The following LRRC7 variants were observed in gnomAD, a reference collection of about 807,000 sequenced individuals.
LRRC7 encodes leucine rich repeat containing 7.
In LRRC7, 23 loss-of-function variants were observed where a neutral mutation model predicts 175.7. That is an observed-to-expected ratio of 0.13 (90% confidence interval 0.09 to 0.19). LRRC7 has a LOEUF of 0.19. Among genes scored for constraint, LRRC7 ranks in the 10% least tolerant of loss-of-function variants. The probability of loss-of-function intolerance (pLI) is 1.00; values close to 1 mark genes in which losing one functional copy is unlikely to be tolerated. For missense variants in LRRC7, 1,354 were observed against 1,904.7 expected (o/e 0.71, Z 5.38); for synonymous variants, 685 against 680.9 (o/e 1.01, Z -0.09).
intron 26 of LRRC7, among the ~76,000 whole-genome samples, chr1:70,120,113 C>T (rs1326592140): frequency 6.6e-6 from 1 of 151,976 alleles, no homozygotes; most frequent in African/African-American, 2.4e-5. Flanking sequence ...ATTCTTTACT[C>T]TTCATCACCA....
chr1:69,679,909 T>TC (rs1194237211), intron 2 of LRRC7, among the ~76,000 whole-genome samples: 1 of 152,130 alleles, frequency 6.6e-6, no homozygotes, highest in Non-Finnish European at 1.5e-5. Context: ...ACCTTTTTTG[T>TC]AAGTACAATT....
rs558298354 is a variant in LRRC7 at position 69,608,812 on chromosome 1, GTCTCTCTCTCTCTCTCTCTC to G, written c.2+40207_2+40226del. ...GCATCTCCTATAAGTTGCTCTGTCTGTCTCTCTCTCTCTCTCTCTCTCTCTCTCTCTCTCTCTCTCTCTCT... is the reference window on the plus strand; with the variant it reads ...GCATCTCCTATAAGTTGCTCTGTCTGTCTCTCTCTCTCTCTCTCTCTCTCT... On this transcript the variant is annotated intron_variant, in intron 1 of 26. Transcript: ENST00000651989. 5.1e-3 allele frequency among the ~76,000 whole-genome samples: 463 copies of G among 91,556 alleles called. 2 individuals are homozygous for G. The highest frequency in any genetic ancestry group is 0.012 in the East Asian group (33 of 2,866). The allele number at this position is 91,556 out of a possible 152,430, so 60.1% of individuals were successfully genotyped here.
intron 8 of LRRC7, among the ~76,000 whole-genome samples, chr1:69,976,285 C>T (rs928554956): frequency 1.3e-5 from 2 of 152,188 alleles, no homozygotes; most frequent in Non-Finnish European, 2.9e-5. Context: ...AGCTGAAGAA[C>T]TTGGAGTCCG....
Position 69,695,476 on chromosome 1 carries a change from G to A in LRRC7, c.100+16998G>A, listed in dbSNP as rs1371704220. 2.0e-5 allele frequency among the ~76,000 whole-genome samples: 3 copies of A among 152,190 alleles called. No individual in the cohort carries two copies. In the South Asian group the frequency reaches 6.2e-4, roughly 31 times the overall value. The stretch of plus-strand genomic sequence containing the variant: ...CCTGGCCATGTGATAGAGAAGGAAA[G>A]GTTATTTTTAGGAGACGAATTGAAA... On this transcript the variant is annotated intron_variant, in intron 2 of 26. Coordinates refer to ENST00000651989, the MANE Select transcript of LRRC7 (RefSeq NM_001370785.2).
At chr1:69,673,011 G>T (rs1659302639) in intron 1 of LRRC7, among the ~76,000 whole-genome samples, 2 of 152,238 alleles carry the variant, frequency 1.3e-5, no homozygotes, top group Admixed American at 1.3e-4. Flanking sequence ...ACATATCTGT[G>T]TTAATAGACA....
Position 70,126,190 on chromosome 1 carries a change from A to G in LRRC7, c.*4303A>G, listed in dbSNP as rs142423500. Among the ~76,000 whole-genome samples the G allele has an allele frequency of 2.9e-3, 439 of 152,314 alleles. 2 individuals are homozygous for G. The highest frequency in any genetic ancestry group is 9.6e-3 in the African/African-American group (398 of 41,560). ...TAACCAGGTCAAAAGCCATACTGAAATAGGACTACCACTCAAAGTCTTTGA... is the reference window on the plus strand; with the variant it reads ...TAACCAGGTCAAAAGCCATACTGAAGTAGGACTACCACTCAAAGTCTTTGA... On this transcript the variant is annotated 3_prime_UTR_variant, in exon 27 of 27. Transcript: ENST00000651989.
chr1:69,674,129 C>A (rs2100586087), intron 1 of LRRC7, among the ~76,000 whole-genome samples: 1 of 152,202 alleles, frequency 6.6e-6, no homozygotes, highest in Admixed American at 6.5e-5. Flanking sequence ...TCACCTCAGC[C>A]TCCTGAGTAT....
At chr1:69,888,926 A>G (rs924613862) in intron 7 of LRRC7, among the ~76,000 whole-genome samples, 4 of 152,184 alleles carry the variant, frequency 2.6e-5, no homozygotes, top group African/African-American at 9.7e-5. Context: ...TACCTCAGAG[A>G]TATTGCAGAC....
chr1:69,888,375 G>A (rs1004970945), intron 7 of LRRC7, among the ~76,000 whole-genome samples: 15 of 152,138 alleles, frequency 9.9e-5, no homozygotes, highest in African/African-American at 3.1e-4. Context: ...GGAGTGACCC[G>A]ATTTTCCAGG....
chr1:69,785,671 GTTA>G (rs1674326944), intron 3 of LRRC7, among the ~76,000 whole-genome samples: 2 of 150,918 alleles, frequency 1.3e-5, no homozygotes, highest in African/African-American at 4.9e-5. Context: ...TTTTTAATTT[GTTA>G]TTCTAGAAAT....
intron 2 of LRRC7, among the ~76,000 whole-genome samples, chr1:69,704,249 G>C (rs1663742690): frequency 6.6e-6 from 1 of 151,576 alleles, no homozygotes; most frequent in East Asian, 1.9e-4. Flanking sequence ...TCAATTTTTT[G>C]AAGGAGATAA....
At chr1:69,670,214 A>C (rs570551084) in intron 1 of LRRC7, among the ~76,000 whole-genome samples, 3 of 152,272 alleles carry the variant, frequency 2.0e-5, no homozygotes, top group African/African-American at 7.2e-5. Context: ...GTTTGTGCCC[A>C]TCCTTCCTGG....
chr1:70,066,877 C>A (rs1011827246), intron 23 of LRRC7, among the ~76,000 whole-genome samples: 1 of 152,008 alleles, frequency 6.6e-6, no homozygotes, highest in Admixed American at 6.6e-5. Context: ...AGTTTTTCTT[C>A]ATCATCTCCT....
At chr1:69,981,908 C>G (rs1218694782) in intron 9 of LRRC7, among the ~76,000 whole-genome samples, 1 of 152,144 alleles carries the variant, frequency 6.6e-6, no homozygotes, top group Non-Finnish European at 1.5e-5. Context: ...ACTACCATCC[C>G]CATTTTATAG....
intron 7 of LRRC7, among the ~76,000 whole-genome samples, chr1:69,913,199 G>A (rs1646585285): frequency 6.6e-6 from 1 of 152,070 alleles, no homozygotes; most frequent in South Asian, 2.1e-4. Context: ...TAACAAAGTG[G>A]TTTAAAAAAT....
intron 7 of LRRC7, among the ~76,000 whole-genome samples, chr1:69,914,449 G>A (rs946835941): frequency 6.6e-6 from 1 of 152,152 alleles, no homozygotes; most frequent in Non-Finnish European, 1.5e-5. Flanking sequence ...TAAAGTGATA[G>A]CATGATAGGA....
At chr1:69,680,603 C>A (rs1376082686) in intron 2 of LRRC7, among the ~76,000 whole-genome samples, 1 of 151,364 alleles carries the variant, frequency 6.6e-6, no homozygotes, top group Non-Finnish European at 1.5e-5. Flanking sequence ...CTTTATTTTC[C>A]CCTGTTAGTA....
At chr1:70,119,885 G>T (rs534435471) in intron 26 of LRRC7, among the ~76,000 whole-genome samples, 1 of 152,050 alleles carries the variant, frequency 6.6e-6, no homozygotes, top group Non-Finnish European at 1.5e-5. Context: ...TGACAATCAA[G>T]AACTCCATTA....
chr1:69,874,675 A>G (rs1685882008), intron 7 of LRRC7: 1 of 152,082 alleles, frequency 6.6e-6, no homozygotes, highest in African/African-American at 2.4e-5. Flanking sequence ...TACTTTATTG[A>G]ATATTTCTAT....
Sources: gnomAD v4.1 joint callset for allele counts (sites outside exome capture counted in the v4.1 genomes callset) on GRCh38, gnomAD v4.1.1 for gene constraint, MANE v1.5 for transcripts, NCBI Gene and HGNC (gene_info 2026-07-23, HGNC 2026-07-21) for gene names.